WWOX: variants seen among roughly 807,000 people sequenced by gnomAD.
The protein encoded by WWOX is WW domain-containing oxidoreductase.
A neutral mutation model predicts 46.2 loss-of-function variants in WWOX; 69 were observed. The observed-to-expected ratio is 1.49, with a 90% CI of 1.23 to 1.82. The LOEUF is 1.82. Ranked by LOEUF, WWOX falls within the 40% of genes most tolerant of loss-of-function variation. The probability of loss-of-function intolerance (pLI) is 0.00; values close to 1 mark genes in which losing one functional copy is unlikely to be tolerated. For missense variants in WWOX, 919 were observed against 542.6 expected (o/e 1.69, Z -6.89); for synonymous variants, 359 against 202.6 (o/e 1.77, Z -6.56).
intron 8 of WWOX, among the ~76,000 whole-genome samples, chr16:79,082,570 T>C (rs1216861136): frequency 6.6e-6 from 1 of 152,176 alleles, no homozygotes; most frequent in East Asian, 1.9e-4. Context: ...TTGTGGTTCA[T>C]ATCACTGTTT....
At chr16:79,131,127 C>T (rs1206121075) in intron 8 of WWOX, among the ~76,000 whole-genome samples, 2 of 152,096 alleles carry the variant, frequency 1.3e-5, no homozygotes, top group African/African-American at 4.8e-5. Flanking sequence ...TCCATGCTGC[C>T]CCTGCCTCCC....
At chr16:78,859,322 C>G (rs967878185) in intron 8 of WWOX, among the ~76,000 whole-genome samples, 1 of 151,890 alleles carries the variant, frequency 6.6e-6, no homozygotes, top group East Asian at 1.9e-4. Flanking sequence ...AATTCCCCTT[C>G]TCCCTACTCC....
intron 8 of WWOX, among the ~76,000 whole-genome samples, chr16:79,116,686 G>A (rs1326554378): frequency 6.6e-6 from 1 of 151,880 alleles, no homozygotes. Flanking sequence ...ACTAACTTTT[G>A]AACCCCTCAG....
intron 5 of WWOX, among the ~76,000 whole-genome samples, chr16:78,215,906 A>G (rs1241787402): frequency 4.0e-5 from 6 of 151,166 alleles, no homozygotes; most frequent in Non-Finnish European, 8.8e-5. Context: ...AGCCTGGGTG[A>G]TTCCATCTCA....
At chr16:78,578,961 T>G (rs2044976791) in intron 8 of WWOX, among the ~76,000 whole-genome samples, 1 of 152,220 alleles carries the variant, frequency 6.6e-6, no homozygotes, top group South Asian at 2.1e-4. Context: ...TTTCTTGCTT[T>G]TCAGAAACCA....
intron 8 of WWOX, among the ~76,000 whole-genome samples, chr16:78,773,113 C>A (rs544502552): frequency 6.6e-6 from 1 of 152,250 alleles, no homozygotes; most frequent in East Asian, 1.9e-4. Context: ...TAGTGAGTGG[C>A]TAGATTGTAA....
intron 8 of WWOX, among the ~76,000 whole-genome samples, chr16:78,756,138 C>G (rs1039295436): frequency 6.6e-6 from 1 of 152,174 alleles, no homozygotes; most frequent in South Asian, 2.1e-4. Context: ...AAAACACGAA[C>G]GGGGATCCTA....
intron 5 of WWOX, among the ~76,000 whole-genome samples, chr16:78,358,590 G>A (rs1245165956): frequency 2.0e-5 from 3 of 152,110 alleles, no homozygotes; most frequent in Admixed American, 6.6e-5. Flanking sequence ...CCTGGGAAGT[G>A]GAGTTTGCAG....
At chr16:78,494,243 T>C (rs1438636639) in intron 8 of WWOX, among the ~76,000 whole-genome samples, 2 of 152,166 alleles carry the variant, frequency 1.3e-5, no homozygotes, top group Non-Finnish European at 2.9e-5. Flanking sequence ...AAGCACCTCA[T>C]GATCCCGTCT....
chr16:78,900,149 A>T (rs556544249), intron 8 of WWOX, among the ~76,000 whole-genome samples: 1 of 148,158 alleles, frequency 6.7e-6, no homozygotes, highest in East Asian at 2.0e-4. Context: ...TGAAGGAGTC[A>T]GTAACAAACC....
At position 78,458,653 on chromosome 16, in the gene WWOX, G is replaced by T. The variant is rs2738642; in HGVS notation, c.1056+25901G>T. On this transcript the variant is annotated intron_variant, in intron 8 of 8. Coordinates refer to ENST00000566780, the MANE Select transcript of WWOX (RefSeq NM_016373.4). ...TAAAATTATTTTATAGCATATAAAAGTAAAAAGAATATAAATTAATTTTTT... is the reference window on the plus strand; with the variant it reads ...TAAAATTATTTTATAGCATATAAAATTAAAAAGAATATAAATTAATTTTTT... 4.0e-5 allele frequency among the ~76,000 whole-genome samples: 6 copies of T among 150,822 alleles called. No homozygotes were observed. In the East Asian group the frequency reaches 9.8e-4, roughly 25 times the overall value.
intron 8 of WWOX, among the ~76,000 whole-genome samples, chr16:79,063,593 G>C (rs972641658): frequency 2.0e-5 from 3 of 152,220 alleles, no homozygotes; most frequent in Non-Finnish European, 1.5e-5. Flanking sequence ...TTGGAAACAA[G>C]GTTGGGTCTA....
At chr16:78,777,172 C>T (rs575941678) in intron 8 of WWOX, among the ~76,000 whole-genome samples, 21 of 55,882 alleles carry the variant, frequency 3.8e-4, no homozygotes, top group African/African-American at 9.2e-4. Flanking sequence ...TGTTCAATGG[C>T]TGTATTTCAA....
chr16:78,877,956 A>T (rs950342838), intron 8 of WWOX, among the ~76,000 whole-genome samples: 2 of 152,162 alleles, frequency 1.3e-5, no homozygotes, highest in Admixed American at 6.5e-5. Flanking sequence ...TTCAATTGCA[A>T]ATCCCCTCTT....
intron 8 of WWOX, among the ~76,000 whole-genome samples, chr16:78,564,021 C>T (rs1209537760): frequency 1.3e-5 from 2 of 152,200 alleles, no homozygotes; most frequent in South Asian, 4.1e-4. Flanking sequence ...TGGGTGCGAA[C>T]AAGCCCAGGC....
chr16:78,628,469 T>C (rs565251972), intron 8 of WWOX, among the ~76,000 whole-genome samples: 34 of 152,312 alleles, frequency 2.2e-4, no homozygotes, highest in South Asian at 6.2e-4. Context: ...GGACCTGATA[T>C]ATACATGGAG....
At chr16:79,046,670 C>T (rs2048071466) in intron 8 of WWOX, among the ~76,000 whole-genome samples, 1 of 152,180 alleles carries the variant, frequency 6.6e-6, no homozygotes, top group Non-Finnish European at 1.5e-5. Context: ...TAGCTTGGCT[C>T]AGCCCAGCAG....
At chr16:78,528,765 A>C (rs2043544168) in intron 8 of WWOX, among the ~76,000 whole-genome samples, 1 of 152,122 alleles carries the variant, frequency 6.6e-6, no homozygotes, top group Non-Finnish European at 1.5e-5. Flanking sequence ...GAGGAAAATG[A>C]AAAGGCCTAT....
At chr16:78,544,851 C>A (rs930759196) in intron 8 of WWOX, among the ~76,000 whole-genome samples, 2 of 151,940 alleles carry the variant, frequency 1.3e-5, no homozygotes, top group Admixed American at 6.6e-5. Context: ...CTCTAGCATG[C>A]GTGACAGAGT....
Sources: allele counts gnomAD v4.1 joint callset (sites outside exome capture counted in the v4.1 genomes callset), GRCh38; gene constraint gnomAD v4.1.1; transcripts MANE v1.5; gene names NCBI Gene and HGNC (gene_info 2026-07-23, HGNC 2026-07-21).